The following WFS1 variants were observed in gnomAD, a reference collection of about 807,000 sequenced individuals.
The protein encoded by WFS1 is wolframin ER transmembrane glycoprotein, also known as wolframin.
A neutral mutation model predicts 68.5 loss-of-function variants in WFS1; 90 were observed. The observed-to-expected ratio is 1.31, with a 90% CI of 1.11 to 1.56. The LOEUF (loss-of-function observed/expected upper bound fraction) is 1.56. Ranked by LOEUF, WFS1 falls within the 40% of genes most tolerant of loss-of-function variation. The probability of loss-of-function intolerance (pLI) is 0.00; values close to 1 mark genes in which losing one functional copy is unlikely to be tolerated. For synonymous variants in WFS1, 860 were observed against 540.7 expected, an observed-to-expected ratio of 1.59 and a Z score of -8.19; for missense variants, 1,767 against 1,232.6, an observed-to-expected ratio of 1.43 and a Z score of -6.49.
At chr4:6,298,455 G>A (rs1347734951) in intron 7 of WFS1, among the ~76,000 whole-genome samples, 1 of 152,252 alleles carries the variant, frequency 6.6e-6, no homozygotes, top group Non-Finnish European at 1.5e-5. Flanking sequence ...GAGAGAGCTA[G>A]GGGAGCTGTT....
chr4:6,274,008 G>A (rs17718958), intron 1 of WFS1, among the ~76,000 whole-genome samples: 19,164 of 151,914 alleles, frequency 0.13, 1,388 homozygotes, highest in Non-Finnish European at 0.16. Flanking sequence ...CCTTTGTTTA[G>A]CACCTGGGAG....
rs1312854010 is a variant in WFS1, at chr4:6,302,505, C to G, written c.*37C>G. ...CACGAGGAGCTTCCAGTGCATGTTG[C>G]CATGAGGCCTTTCCCCAGTGTGGCC... On this transcript the variant is annotated 3_prime_UTR_variant, in exon 8 of 8. Transcript: ENST00000226760. 4 of 1,610,230 alleles carry G rather than the reference C, an allele frequency of 2.5e-6. No individual in the cohort carries two copies. In the Middle Eastern group the frequency reaches 5.0e-4, roughly 202 times the overall value.
chr4:6,271,684 C>T (rs1729848093), intron 1 of WFS1, among the ~76,000 whole-genome samples: 1 of 152,178 alleles, frequency 6.6e-6, no homozygotes, highest in Non-Finnish European at 1.5e-5. Flanking sequence ...GCTCCTGAGC[C>T]TCACTCGGAT....
intron 7 of WFS1, among the ~76,000 whole-genome samples, chr4:6,300,290 G>A (rs1173105382): frequency 2.0e-5 from 3 of 152,162 alleles, no homozygotes; most frequent in African/African-American, 2.4e-5. Flanking sequence ...TCAGGGCTCC[G>A]TCATCTCTTC....
rs1465861018 is a variant in WFS1 at position 6,301,413 on chromosome 4, T to TGGTGTGAGCTCTCCGTGGTCATCC, written c.1619_1642dup (p.Ile547_Leu548insArgCysGluLeuSerValValIle). 1 of 1,612,566 alleles carries TGGTGTGAGCTCTCCGTGGTCATCC rather than the reference T, an allele frequency of 6.2e-7. No individual in the cohort carries two copies. The highest frequency in any genetic ancestry group is 1.7e-5 in the Admixed American group (1 of 60,036). ...TGTGCCCTACCTGGTGTGCTTCATGTGGTGTGAGCTCTCCGTGGTCATCCT... is the reference window on the plus strand; with the variant it reads ...TGTGCCCTACCTGGTGTGCTTCATGTGGTGTGAGCTCTCCGTGGTCATCCGGTGTGAGCTCTCCGTGGTCATCCT... On this transcript the variant is annotated inframe_insertion, in exon 8 of 8. Transcript: ENST00000226760.
Position 6,302,315 on chromosome 4 carries a change from C to T in WFS1, c.2520C>T (p.Phe840=), listed in dbSNP as rs777254962. The change falls in exon 8 of 8, where the codon TTC becomes TTT. Residue 840 remains phenylalanine, a synonymous_variant. Coordinates refer to ENST00000226760, the MANE Select transcript of WFS1 (RefSeq NM_006005.3). ...GCCTGGGCAGCAAGTGGCCTGTCTT[C>T]GAGCTCAAGGCCATCAGCTGCCTCA... The part of the protein sequence containing the change: ...EGRLGSKWPV[F]ELKAISCLNC... The T allele has an allele frequency of 2.4e-5, 39 of 1,611,400 alleles. No homozygotes were observed. The highest frequency in any genetic ancestry group is 1.3e-4 in the African/African-American group (10 of 74,936).
At chr4:6,279,223 C>T (rs1730084537) in intron 2 of WFS1, among the ~76,000 whole-genome samples, 1 of 152,218 alleles carries the variant, frequency 6.6e-6, no homozygotes, top group African/African-American at 2.4e-5. Flanking sequence ...ATTTAGCTCC[C>T]CCATCCAGCC....
intron 1 of WFS1, among the ~76,000 whole-genome samples, chr4:6,270,329 G>T (rs1019871947): frequency 1.3e-5 from 2 of 151,494 alleles, no homozygotes; most frequent in South Asian, 2.1e-4. Flanking sequence ...CGGCCGGCGG[G>T]CAGGCCCCCT....
In WFS1 at chr4:6,298,632, C is replaced by T. The variant is rs144353790; in HGVS notation, c.862-2025C>T. ...CTGTCCTTCTCATCTGTGGAAGGCT[C>T]AGTCTGTGTAGACATGCATGCACAC... On this transcript the variant is annotated intron_variant, in intron 7 of 7. Coordinates refer to ENST00000226760, the MANE Select transcript of WFS1 (RefSeq NM_006005.3). 1.8e-3 allele frequency among the ~76,000 whole-genome samples: 270 copies of T among 152,094 alleles called. 1 individual carries two copies. The highest frequency in any genetic ancestry group is 6.3e-3 in the African/African-American group (262 of 41,568).
intron 2 of WFS1, among the ~76,000 whole-genome samples, chr4:6,286,228 A>G (rs980279143): frequency 6.6e-6 from 1 of 151,928 alleles, no homozygotes; most frequent in African/African-American, 2.4e-5. Context: ...TCCCAGATTC[A>G]TTTGCTGAGG....
chr4:6,300,956 C>G lies in WFS1; in HGVS notation c.1161C>G (p.Asn387Lys). 1 of 1,614,048 alleles carries G rather than the reference C, an allele frequency of 6.2e-7. No homozygotes were observed. Among genetic ancestry groups the G allele is most frequent in the Non-Finnish European group, 8.5e-7 (1 of 1,180,022 alleles). The change falls in exon 8 of 8, where the codon AAC (asparagine) becomes AAG (lysine). Residue 387 changes from asparagine to lysine, a missense_variant. Physicochemically the swap from Asn to Lys is moderately conservative, Grantham distance 94. Transcript: ENST00000226760. ...LTDLLLRFEPNLDVEQAEVNF... is the reference protein window; with the variant it reads ...LTDLLLRFEPKLDVEQAEVNF... Reference sequence around the variant, plus strand: ...ACCTGCTGCTGCGCTTCGAGCCCAACCTGGATGTGGAGCAGGCCGAGGTCA... The same window carrying G: ...ACCTGCTGCTGCGCTTCGAGCCCAAGCTGGATGTGGAGCAGGCCGAGGTCA...
In WFS1 at chr4:6,300,918, C is replaced by T. The variant is rs200095753; in HGVS notation, c.1123C>T (p.Arg375Cys). The T allele has an allele frequency of 6.3e-5, 102 of 1,614,030 alleles. No individual in the cohort carries two copies. The highest frequency in any genetic ancestry group is 2.3e-4 in the African/African-American group (17 of 74,906). ...FQDSKAWENF[R>C]TLTDLLLRFE... ...GGACAGCAAGGCCTGGGAGAACTTC[C>T]GCACCCTCACCGACCTGCTGCTGCG... is the stretch of plus-strand genomic sequence containing the variant. The change falls in exon 8 of 8, where the codon CGC (arginine) becomes TGC (cysteine). Residue 375 changes from arginine (R) to cysteine (C), a missense_variant. Physicochemically the swap from Arg to Cys is radical, Grantham distance 180 (BLOSUM62 -3). Coordinates refer to ENST00000226760, the MANE Select transcript of WFS1 (RefSeq NM_006005.3).
intron 2 of WFS1, among the ~76,000 whole-genome samples, chr4:6,278,794 T>C (rs1000921622): frequency 2.6e-5 from 4 of 152,358 alleles, no homozygotes; most frequent in Admixed American, 1.3e-4. Flanking sequence ...ACTGTGCTCC[T>C]CTGCTTTGTT....
rs1394969728 is a variant in WFS1 at position 6,283,558 on chromosome 4, C to T, written c.233-3535C>T. ...TGCTGCCTGTGTCTCAGGGGCTCTG[C>T]CCACAGGGTGACCTTCCACAGTTCA... On this transcript the variant is annotated intron_variant, in intron 2 of 7. Transcript: ENST00000226760. The surrounding 1 kb of genome is among the most constrained non-coding windows in gnomAD (Gnocchi z 5.0). 6.6e-6 allele frequency among the ~76,000 whole-genome samples: 1 copy of T among 152,208 alleles called. No individual in the cohort carries two copies. Among genetic ancestry groups the T allele is most frequent in the Non-Finnish European group, 1.5e-5 (1 of 68,044 alleles).
In WFS1 at chr4:6,273,989, C is replaced by G. The variant is rs141842324; in HGVS notation, c.-5-3462C>G. Among the ~76,000 whole-genome samples the G allele has an allele frequency of 2.6e-3, 403 of 152,272 alleles. 3 individuals carry two copies. The highest frequency in any genetic ancestry group is 9.3e-3 in the African/African-American group (386 of 41,554). ...ATTCCTTTTATGAAGTGTTTTCCAA[C>G]TGAACATGCCTTTGTTTAGCACCTG... On this transcript the variant is annotated intron_variant, in intron 1 of 7. Transcript: ENST00000226760.
In WFS1 at chr4:6,287,726, T is replaced by A. The variant is rs1387337662; in HGVS notation, c.315+551T>A. On this transcript the variant is annotated intron_variant, in intron 3 of 7. Transcript: ENST00000226760. The surrounding 1 kb of genome is among the most constrained non-coding windows in gnomAD (Gnocchi z 6.4). ...ACACAGAAATACAGTGATTTTGAAT[T>A]CTGGTGAGGGGAGAAGCCAGCAGAA... Among the ~76,000 whole-genome samples, 1 of 152,062 alleles carries A rather than the reference T, an allele frequency of 6.6e-6. No individual in the cohort carries two copies. Among genetic ancestry groups the A allele is most frequent in the African/African-American group, 2.4e-5 (1 of 41,418 alleles).
At chr4:6,296,620 C>T (rs569541720) in intron 7 of WFS1, among the ~76,000 whole-genome samples, 5 of 152,270 alleles carry the variant, frequency 3.3e-5, no homozygotes, top group African/African-American at 1.2e-4. Flanking sequence ...AAGACACTCC[C>T]GAAATGAGAG....
At chr4:6,294,705 T>G (rs528544448) in intron 6 of WFS1, 2 of 372,226 alleles carry the variant, frequency 5.4e-6, no homozygotes, top group South Asian at 2.2e-5. Flanking sequence ...GAGGTGCATG[T>G]TGTAAGGCTT....
intron 1 of WFS1, among the ~76,000 whole-genome samples, chr4:6,276,898 C>A (rs61398924): frequency 2.6e-5 from 4 of 152,234 alleles, no homozygotes; most frequent in Non-Finnish European, 5.9e-5. Context: ...CACTGTCACC[C>A]GTCTCCGCAT....
Sources: allele counts gnomAD v4.1 joint callset (sites outside exome capture counted in the v4.1 genomes callset), GRCh38; gene constraint gnomAD v4.1.1; non-coding constraint Gnocchi (gnomAD v3.1); transcripts MANE v1.5; gene names NCBI Gene and HGNC (gene_info 2026-07-23, HGNC 2026-07-21).